CD2: variants seen among roughly 807,000 people sequenced by gnomAD.
The protein encoded by CD2 is CD2 molecule.
Under a neutral mutation model 23.2 loss-of-function variants are expected in CD2, and 18 were observed. The observed-to-expected ratio is 0.77, with a 90% CI of 0.54 to 1.15. The LOEUF (loss-of-function observed/expected upper bound fraction) is 1.15. CD2 is among the 50% of genes most tolerant of loss of function. The pLI is 0.00. For missense variants in CD2, 424 were observed against 423.1 expected (o/e 1.00, Z -0.02); for synonymous variants, 162 against 151.9 (o/e 1.07, Z -0.49).
chr1:116,768,180 G>A (rs186220778), intron 4 of CD2, among the ~76,000 whole-genome samples: 93 of 152,248 alleles, frequency 6.1e-4, no homozygotes, highest in Admixed American at 1.2e-3. Flanking sequence ...CCAGGTCTGC[G>A]TGCTCTCTCT....
chr1:116,759,571 G>T (rs1167076428), intron 2 of CD2, among the ~76,000 whole-genome samples: 1 of 152,188 alleles, frequency 6.6e-6, no homozygotes, highest in South Asian at 2.1e-4. Context: ...AGAGGCAAGA[G>T]GTTTGTGATT....
In CD2 at chr1:116,754,937, A is replaced by C; in HGVS notation, c.368A>C (p.Asp123Ala). The C allele has an allele frequency of 6.3e-7, 1 of 1,590,180 alleles. No homozygotes were observed. Among genetic ancestry groups the C allele is most frequent in the Non-Finnish European group, 8.6e-7 (1 of 1,167,070 alleles). The change falls in exon 2 of 5, where the codon GAT (aspartate) becomes GCT (alanine). Residue 123 changes from aspartate (D) to alanine (A), a missense_variant. Transcript: ENST00000369478. Reference sequence around the variant, plus strand: ...AAAAATGTGTTGGAAAAAATATTTGATTTGAAGATTCAAGGTAAGTGTTCA... The same window carrying C: ...AAAAATGTGTTGGAAAAAATATTTGCTTTGAAGATTCAAGGTAAGTGTTCA... The part of the protein sequence containing the change: ...KGKNVLEKIF[D>A]LKIQERVSKP...
At chr1:116,767,783 G>A (rs987171735) in intron 4 of CD2, among the ~76,000 whole-genome samples, 7 of 152,066 alleles carry the variant, frequency 4.6e-5, no homozygotes, top group Non-Finnish European at 1.0e-4. Flanking sequence ...CAGATTCCCT[G>A]TGATTTTAAG....
chr1:116,761,493 A>G (rs1380642584), intron 3 of CD2, among the ~76,000 whole-genome samples: 1 of 152,188 alleles, frequency 6.6e-6, no homozygotes, highest in Non-Finnish European at 1.5e-5. Flanking sequence ...GCTGCCTCAC[A>G]ATATGGCAGC....
chr1:116,764,167 A>C lies in CD2; in HGVS notation c.614-317A>C, dbSNP rs563436880. Reference sequence around the variant, plus strand: ...AGAGGTTGCATTTAGAGTATCTCTAAGATCCTCGGATCTAAAATTTCGTGA... The same window carrying C: ...AGAGGTTGCATTTAGAGTATCTCTACGATCCTCGGATCTAAAATTTCGTGA... On this transcript the variant is annotated intron_variant, in intron 3 of 4. Transcript: ENST00000369478. 2.0e-4 allele frequency among the ~76,000 whole-genome samples: 30 copies of C among 152,250 alleles called. No individual in the cohort carries two copies. The South Asian group carries it at 6.2e-3, about 32-fold the overall frequency.
At chr1:116,768,384 C>T in intron 4 of CD2, 80 bp from the exon 5 acceptor site, 1 of 1,346,602 alleles carries the variant, frequency 7.4e-7, no homozygotes, top group Non-Finnish European at 1.0e-6. Context: ...TAGCATGGCG[C>T]CTTGCATATA....
intron 2 of CD2, among the ~76,000 whole-genome samples, chr1:116,757,529 A>G (rs1203752640): frequency 6.6e-6 from 1 of 152,184 alleles, no homozygotes; most frequent in Non-Finnish European, 1.5e-5. Flanking sequence ...AAGGGTGCCC[A>G]TCACTGCATT....
chr1:116,762,067 C>A (rs190411589), intron 3 of CD2, among the ~76,000 whole-genome samples: 54 of 152,242 alleles, frequency 3.5e-4, no homozygotes, highest in African/African-American at 1.0e-3. Context: ...TGTGCTCAAA[C>A]TATCCTCCCA....
At position 116,768,959 on chromosome 1, in the gene CD2, T is replaced by G. The variant is rs565248930; in HGVS notation, c.*176T>G. 7.9e-6 allele frequency: 5 copies of G among 634,688 alleles called. No homozygotes were observed. Among genetic ancestry groups the G allele is most frequent in the Non-Finnish European group, 2.7e-6 (1 of 369,488 alleles). 39.3% of individuals were successfully genotyped at this position (634,688 alleles called of 1,614,324 possible). On this transcript the variant is annotated 3_prime_UTR_variant, in exon 5 of 5. Transcript: ENST00000369478. ...TCAGCCATGTGGTCAACATCTGGAGTTTTTGGTCTCCTCAGAGAGCTCCAT... is the reference window on the plus strand; with the variant it reads ...TCAGCCATGTGGTCAACATCTGGAGGTTTTGGTCTCCTCAGAGAGCTCCAT...
At chr1:116,766,037 CAGAATTTAAGGCAT>C (rs1652205253) in intron 4 of CD2, among the ~76,000 whole-genome samples, 1 of 152,210 alleles carries the variant, frequency 6.6e-6, no homozygotes, top group African/African-American at 2.4e-5. Flanking sequence ...GCAAGGAGCC[CAGAATTTAAGGCAT>C]AGAATTTAAG....
chr1:116,760,691 A>G (rs906561633), intron 3 of CD2, 59 bp downstream of exon 3: 1 of 1,325,720 alleles, frequency 7.5e-7, no homozygotes, highest in African/African-American at 1.4e-5. Context: ...AGGCAGAGGC[A>G]TGCTGCTCCA....
intron 4 of CD2, among the ~76,000 whole-genome samples, chr1:116,768,221 C>T (rs1652274848): frequency 1.3e-5 from 2 of 152,160 alleles, no homozygotes; most frequent in Admixed American, 1.3e-4. Context: ...CAAAGCCCTC[C>T]ACCCATGTGT....
chr1:116,763,168 A>C (rs1284776749), intron 3 of CD2, among the ~76,000 whole-genome samples: 1 of 152,230 alleles, frequency 6.6e-6, no homozygotes, highest in Non-Finnish European at 1.5e-5. Flanking sequence ...AGGCCTCTTC[A>C]TCAGTAGAGC....
In CD2 at chr1:116,754,792, A is replaced by G; in HGVS notation, c.223A>G (p.Lys75Glu). Reference protein sequence around the residue: ...KKKIAQFRKEKETFKEKDTYK... With the variant: ...KKKIAQFRKEEETFKEKDTYK... Reference sequence around the variant, plus strand: ...AAAGATTGCACAATTCAGAAAAGAGAAAGAGACTTTCAAGGAAAAAGATAC... The same window carrying G: ...AAAGATTGCACAATTCAGAAAAGAGGAAGAGACTTTCAAGGAAAAAGATAC... Residue 75 changes from lysine (K) to glutamate (E), a missense_variant, in exon 2 of 5, where the codon AAA (lysine) becomes GAA (glutamate). Transcript: ENST00000369478. The G allele has an allele frequency of 6.2e-7, 1 of 1,613,396 alleles. No individual in the cohort carries two copies. Among genetic ancestry groups the G allele is most frequent in the South Asian group, 1.1e-5 (1 of 90,828 alleles).
In CD2 at chr1:116,768,772, T is replaced by G. The variant is rs1248756412; in HGVS notation, c.1045T>G (p.Ser349Ala). ...HGAAENSLSP[S>A]SN is the part of the protein sequence containing the mutation. Reference sequence around the variant, plus strand: ...GGCAGCAGAAAACTCATTGTCCCCTTCCTCTAATTAAAAAAGATAGAAACT... The same window carrying G: ...GGCAGCAGAAAACTCATTGTCCCCTGCCTCTAATTAAAAAAGATAGAAACT... Residue 349 changes from serine (S) to alanine (A), a missense_variant, in exon 5 of 5, where the codon TCC (serine) becomes GCC (alanine). Transcript: ENST00000369478. 1.2e-6 allele frequency: 2 copies of G among 1,607,912 alleles called. No homozygotes were observed. The highest frequency in any genetic ancestry group is 1.7e-6 in the Non-Finnish European group (2 of 1,177,980).
chr1:116,758,407 C>T (rs1306861911), intron 2 of CD2, among the ~76,000 whole-genome samples: 1 of 152,088 alleles, frequency 6.6e-6, no homozygotes, highest in African/African-American at 2.4e-5. Flanking sequence ...CCTTCTTCCT[C>T]TCTGTCTCCA....
chr1:116,755,986 C>T (rs1420667106), intron 2 of CD2, among the ~76,000 whole-genome samples: 1 of 152,160 alleles, frequency 6.6e-6, no homozygotes, highest in Non-Finnish European at 1.5e-5. Flanking sequence ...CTGTGCTTCA[C>T]ACAGAAAATA....
intron 4 of CD2, among the ~76,000 whole-genome samples, chr1:116,765,103 C>T (rs888263704): frequency 6.6e-5 from 10 of 152,200 alleles, no homozygotes; most frequent in African/African-American, 2.2e-4. Flanking sequence ...ATTCTCTGTT[C>T]GAGGGATGTG....
rs371997526 is a variant in CD2, at chr1:116,764,598, G to A, written c.728G>A (p.Arg243Gln). The change falls in exon 4 of 5, where the codon CGG (arginine) becomes CAG (glutamine). Residue 243 changes from arginine to glutamine, a missense_variant. Transcript: ENST00000369478. ...ACCAAAAGGAAAAAACAGAGGAGTC[G>A]GAGAAATGGTAAGCTCCCCCTCTTT... is the stretch of plus-strand genomic sequence containing the variant. The part of the protein sequence containing the change: ...YITKRKKQRS[R>Q]RNDEELETRA... The A allele has an allele frequency of 1.5e-5, 24 of 1,613,666 alleles. No individual in the cohort carries two copies. The Admixed American group carries it at 1.7e-4, about 11-fold the overall frequency.
Sources: gnomAD v4.1 joint callset for allele counts (sites outside exome capture counted in the v4.1 genomes callset) on GRCh38, gnomAD v4.1.1 for gene constraint, MANE v1.5 for transcripts, NCBI Gene and HGNC (gene_info 2026-07-23, HGNC 2026-07-21) for gene names.